Variants in METTL8 observed in about 807,000 individuals in gnomAD.
METTL8 encodes the protein methyltransferase 8, tRNA N3-cytidine.
A neutral mutation model predicts 48.7 loss-of-function variants in METTL8; 32 were observed. That is an observed-to-expected ratio of 0.66 (90% CI 0.50 to 0.88). The LOEUF is 0.88. METTL8 is among the 40% of genes least tolerant of loss of function. METTL8 has a pLI of 0.00. For missense variants in METTL8, 464 were observed against 474.4 expected (o/e 0.98, Z 0.20); for synonymous variants, 136 against 157.1 (o/e 0.87, Z 1.01).
In METTL8 at chr2:171,330,541, C is replaced by T. The variant is rs764827047; in HGVS notation, c.860+18G>A. 6.2e-6 allele frequency: 10 copies of T among 1,609,584 alleles called. No individual in the cohort carries two copies. Among genetic ancestry groups the T allele is most frequent in the African/African-American group, 2.7e-5 (2 of 74,798 alleles). ...AAGGAGCTTTACACATCCACTTTGCCCTTTCGTCTTCATTTACCTGTCAGG... is the reference window on the plus strand; with the variant it reads ...AAGGAGCTTTACACATCCACTTTGCTCTTTCGTCTTCATTTACCTGTCAGG... On this transcript the variant is annotated intron_variant, in intron 7 of 9. Coordinates refer to ENST00000375258, the MANE Select transcript of METTL8 (RefSeq NM_001321154.2).
At position 171,320,728 on chromosome 2, in the gene METTL8, G is replaced by A. The variant is rs1251076141; in HGVS notation, c.*3444C>T. On this transcript the variant is annotated 3_prime_UTR_variant, in exon 10 of 10. Transcript: ENST00000375258. ...TTAATGTTTATATTTACTGACTTAT[G>A]CATGTTTAAACAGAAAGCTTGATAA... The A allele has an allele frequency of 6.6e-6, 1 of 152,288 alleles. No homozygotes were observed. Among genetic ancestry groups the A allele is most frequent in the African/African-American group, 2.4e-5 (1 of 41,558 alleles). The allele number at this position is 152,288 out of a possible 1,614,324, so 9.4% of individuals were successfully genotyped here. A position where few individuals can be genotyped will look rare whatever the true frequency, so the allele number is the denominator to read the frequency against.
At chr2:171,341,292 C>A (rs568429093) in intron 3 of METTL8, among the ~76,000 whole-genome samples, 2 of 150,242 alleles carry the variant, frequency 1.3e-5, no homozygotes, top group Admixed American at 6.6e-5. Flanking sequence ...CACGCCATTG[C>A]ACTCCAGCCT....
intron 5 of METTL8, among the ~76,000 whole-genome samples, chr2:171,333,036 CTAAAT>C (rs774987909): frequency 0.36 from 53,953 of 151,410 alleles, 10,332 homozygotes; most frequent in African/African-American, 0.5. Flanking sequence ...ATTTATTTAG[CTAAAT>C]AAATATGCAT....
At chr2:171,424,603 G>A (rs1025429769) in intron 1 of METTL8, among the ~76,000 whole-genome samples, 8 of 151,040 alleles carry the variant, frequency 5.3e-5, no homozygotes, top group Admixed American at 4.6e-4. Context: ...GACTTGCATA[G>A]GGCCTGTAGC....
chr2:171,425,963 C>A lies in METTL8; in HGVS notation c.-13+7920G>T, dbSNP rs145202561. ...CATGAAGTCAGGTGTTCGAGACCAG[C>A]CTAGCCAACATAGTGAAATCTCATC... On this transcript the variant is annotated intron_variant, in intron 1 of 9. Transcript: ENST00000375258. Among the ~76,000 whole-genome samples the A allele has an allele frequency of 2.0e-5, 3 of 152,102 alleles. No individual in the cohort carries two copies. The East Asian group carries it at 5.8e-4, about 29-fold the overall frequency.
intron 2 of METTL8, among the ~76,000 whole-genome samples, chr2:171,368,037 G>C (rs1685902714): frequency 2.0e-5 from 3 of 152,220 alleles, no homozygotes; most frequent in African/African-American, 7.2e-5. Context: ...GAAGGCAGTG[G>C]CACCAAAATG....
chr2:171,339,528 A>G lies in METTL8; in HGVS notation c.262T>C (p.Tyr88His), dbSNP rs1181951289. Residue 88 changes from tyrosine (Y) to histidine (H), a missense_variant, in exon 4 of 10, where the codon TAC (tyrosine) becomes CAC (histidine). Transcript: ENST00000375258. ...TGAATCTTGTAAAATGTGTCCCAGTATTTACTAGCTTCTCTCTCATACTTA... is the reference window on the plus strand; with the variant it reads ...TGAATCTTGTAAAATGTGTCCCAGTGTTTACTAGCTTCTCTCTCATACTTA... ...QVKYEREASK[Y>H]WDTFYKIHKN... 6.4e-7 allele frequency: 1 copy of G among 1,572,280 alleles called. No homozygotes were observed. The highest frequency in any genetic ancestry group is 8.7e-7 in the Non-Finnish European group (1 of 1,147,206).
At chr2:171,397,372 A>AC (rs1468823523) in intron 1 of METTL8, among the ~76,000 whole-genome samples, 2 of 147,154 alleles carry the variant, frequency 1.4e-5, no homozygotes, top group Non-Finnish European at 3.0e-5. Context: ...AAAAAAAAAA[A>AC]AAAAAAACAA....
intron 1 of METTL8, among the ~76,000 whole-genome samples, chr2:171,427,133 C>T (rs1692497512): frequency 6.6e-6 from 1 of 152,116 alleles, no homozygotes; most frequent in Non-Finnish European, 1.5e-5. Context: ...ATTAGGATTT[C>T]ACTTGATTCT....
rs546175433 is a variant in METTL8, at chr2:171,359,866, T to C, written c.235+556A>G. ...TCGGCCACCCAAAGTGCTGGGATTA[T>C]AGGTGTGAGCCACCGCGCCGGCTCC... On this transcript the variant is annotated intron_variant, in intron 3 of 9. Coordinates refer to ENST00000375258, the MANE Select transcript of METTL8 (RefSeq NM_001321154.2). 2.4e-4 allele frequency among the ~76,000 whole-genome samples: 36 copies of C among 152,254 alleles called. No individual in the cohort carries two copies. The South Asian group carries it at 6.8e-3, about 29-fold the overall frequency.
intron 3 of METTL8, among the ~76,000 whole-genome samples, chr2:171,356,374 G>T (rs1241484800): frequency 1.3e-5 from 2 of 152,112 alleles, no homozygotes; most frequent in Non-Finnish European, 2.9e-5. Flanking sequence ...CCTGACCTCA[G>T]GTGATCCACC....
intron 9 of METTL8, 79 bp from the exon 10 acceptor site, chr2:171,324,441 T>C (rs2105382037): frequency 4.3e-6 from 5 of 1,175,752 alleles, no homozygotes; most frequent in South Asian, 1.5e-5. Flanking sequence ...ACTGATGGAA[T>C]AACTGACCAT....
intron 3 of METTL8, among the ~76,000 whole-genome samples, chr2:171,356,685 T>C (rs149758094): frequency 3.3e-5 from 5 of 152,284 alleles, no homozygotes; most frequent in Admixed American, 6.5e-5. Flanking sequence ...GCTTGACTTA[T>C]TTAACTTAAG....
intron 1 of METTL8, among the ~76,000 whole-genome samples, chr2:171,420,870 G>T (rs898875259): frequency 1.3e-5 from 2 of 152,210 alleles, no homozygotes; most frequent in African/African-American, 4.8e-5. Context: ...AAAACTTTTA[G>T]TGACTGTGAA....
intron 1 of METTL8, among the ~76,000 whole-genome samples, chr2:171,416,122 CTG>C (rs1248254422): frequency 5.3e-5 from 8 of 152,218 alleles, no homozygotes; most frequent in Admixed American, 4.6e-4. Context: ...CATTTGATGA[CTG>C]TGTTTCTGAC....
Position 171,322,113 on chromosome 2 carries a change from C to A in METTL8, c.*2059G>T, listed in dbSNP as rs538826018. The A allele has an allele frequency of 6.6e-6, 1 of 151,914 alleles. No homozygotes were observed. The highest frequency in any genetic ancestry group is 1.5e-5 in the Non-Finnish European group (1 of 68,012). The allele number at this position is 151,914 out of a possible 1,614,324, so 9.4% of individuals were successfully genotyped here. On this transcript the variant is annotated 3_prime_UTR_variant, in exon 10 of 10. Transcript: ENST00000375258. Reference sequence around the variant, plus strand: ...GAGTAGCTGGGATTACAGGTGCCCACCACCACGCCTGGCTAATTTTTTTTG... The same window carrying A: ...GAGTAGCTGGGATTACAGGTGCCCAACACCACGCCTGGCTAATTTTTTTTG...
intron 2 of METTL8, among the ~76,000 whole-genome samples, chr2:171,387,508 C>T (rs535194992): frequency 6.1e-4 from 92 of 150,842 alleles, no homozygotes; most frequent in Non-Finnish European, 1.0e-3. Flanking sequence ...CCAGCCAGGG[C>T]GACAGAGCGA....
At chr2:171,379,616 T>C (rs1188949794) in intron 2 of METTL8, among the ~76,000 whole-genome samples, 2 of 152,166 alleles carry the variant, frequency 1.3e-5, no homozygotes, top group Non-Finnish European at 1.5e-5. Flanking sequence ...CAGAGAGTAC[T>C]ATAAACACTT....
intron 5 of METTL8, among the ~76,000 whole-genome samples, chr2:171,335,358 T>G (rs184185694): frequency 2.7e-4 from 41 of 152,290 alleles, no homozygotes; most frequent in Non-Finnish European, 4.9e-4. Context: ...TATTGGTAAT[T>G]GTTGAATTGA....
Sources: allele counts gnomAD v4.1 joint callset (sites outside exome capture counted in the v4.1 genomes callset), GRCh38; gene constraint gnomAD v4.1.1; transcripts MANE v1.5; gene names NCBI Gene and HGNC (gene_info 2026-07-23, HGNC 2026-07-21).